The following EXOSC1 variants were observed in gnomAD, a reference collection of about 807,000 sequenced individuals.
The protein encoded by EXOSC1 is exosome component 1, also known as exosome complex component CSL4.
A neutral mutation model predicts 31.4 loss-of-function variants in EXOSC1; 27 were observed. That is an observed-to-expected ratio of 0.86 (90% CI 0.63 to 1.18). The LOEUF is 1.18. Among genes scored for constraint, EXOSC1 ranks in the 50% most tolerant of loss-of-function variants. The pLI is 0.00. For synonymous variants in EXOSC1, 84 were observed against 89.5 expected (o/e 0.94, Z 0.35); for missense variants, 228 against 250.3 (o/e 0.91, Z 0.60).
At chr10:97,445,630 T>G (rs909254915) in intron 2 of EXOSC1, 102 bp downstream of exon 2, 92 of 1,016,174 alleles carry the variant, frequency 9.1e-5, no homozygotes, top group Non-Finnish European at 1.3e-4. Context: ...ATTGTACCAC[T>G]GAGGCACTAA....
chr10:97,445,931 T>C, intron 1 of EXOSC1, 24 bp downstream of exon 1: 1 of 1,614,088 alleles, frequency 6.2e-7, no homozygotes, highest in Non-Finnish European at 8.5e-7. Context: ...TATCCAGGAC[T>C]CTGTACGGGA....
chr10:97,436,410 A>G lies in EXOSC1; in HGVS notation c.*35T>C. The G allele has an allele frequency of 6.8e-7, 1 of 1,479,154 alleles. No homozygotes were observed. Among genetic ancestry groups the G allele is most frequent in the Non-Finnish European group, 9.4e-7 (1 of 1,059,076 alleles). The allele number at this position is 1,479,154 out of a possible 1,614,324, so 91.6% of individuals were successfully genotyped here. A position where few individuals can be genotyped will look rare whatever the true frequency, so the allele number is the denominator to read the frequency against. On this transcript the variant is annotated 3_prime_UTR_variant, in exon 8 of 8. Transcript: ENST00000370902. ...GCATCTTGGTGTTATACTCAGGAAC[A>G]GCTTACCCCCTTCCATAGGGTAAAA...
chr10:97,443,180 G>T (rs1845770303), intron 3 of EXOSC1, 57 bp downstream of exon 3: 1 of 1,425,538 alleles, frequency 7.0e-7, no homozygotes. Flanking sequence ...GTTCTGGTAT[G>T]GTCATGATTT....
intron 5 of EXOSC1, 58 bp from the exon 6 acceptor site, chr10:97,437,808 T>C: frequency 7.1e-7 from 1 of 1,405,264 alleles, no homozygotes; most frequent in Non-Finnish European, 1.0e-6. Context: ...TATATGAAAC[T>C]GTGAACGCTT....
rs1280062005 is a variant in EXOSC1 at position 97,438,778 on chromosome 10, A to G, written c.312-75T>C. On this transcript the variant is annotated intron_variant, in intron 4 of 7. Coordinates refer to ENST00000370902, the MANE Select transcript of EXOSC1 (RefSeq NM_016046.5). ...TTTTTTTTTTTTTTTTTTGAGACAG[A>G]GTCTCCCTCTGTCACCCAGGCTGGA... 6.2e-6 allele frequency: 7 copies of G among 1,135,628 alleles called. No homozygotes were observed. In the African/African-American group the frequency reaches 8.6e-5, roughly 14 times the overall value. 70.3% of individuals were successfully genotyped at this position (1,135,628 alleles called of 1,614,324 possible).
intron 3 of EXOSC1, among the ~76,000 whole-genome samples, chr10:97,442,669 T>G (rs1845754564): frequency 6.6e-6 from 1 of 152,090 alleles, no homozygotes; most frequent in Non-Finnish European, 1.5e-5. Context: ...CTACCATGCC[T>G]GGCTAATTTT....
intron 5 of EXOSC1, 27 bp downstream of exon 5, chr10:97,438,643 A>G: frequency 6.2e-7 from 1 of 1,605,990 alleles, no homozygotes; most frequent in Middle Eastern, 1.7e-4. Flanking sequence ...ACGTAAAGCC[A>G]TTAAAAAAAA....
chr10:97,437,778 T>A (rs1845589738), intron 5 of EXOSC1, 28 bp from the exon 6 acceptor site: 4 of 1,601,480 alleles, frequency 2.5e-6, no homozygotes, highest in Middle Eastern at 3.3e-4. Context: ...GAATGTTAAG[T>A]GAAAGCTCTA....
chr10:97,442,306 T>C (rs1238678411), intron 3 of EXOSC1, among the ~76,000 whole-genome samples: 1 of 152,066 alleles, frequency 6.6e-6, no homozygotes, highest in Non-Finnish European at 1.5e-5. Flanking sequence ...CAGACACAGG[T>C]AGAACTATGT....
chr10:97,436,644 G>A (rs1845546995), intron 7 of EXOSC1, 93 bp from the exon 8 acceptor site: 1 of 1,169,740 alleles, frequency 8.5e-7, no homozygotes, highest in Middle Eastern at 2.6e-4. Flanking sequence ...GTGCCACCAA[G>A]CTTCCTACTG....
At chr10:97,438,022 C>G (rs1030054087) in intron 5 of EXOSC1, among the ~76,000 whole-genome samples, 2 of 151,810 alleles carry the variant, frequency 1.3e-5, no homozygotes, top group African/African-American at 4.8e-5. Flanking sequence ...CGGGTTCAAG[C>G]GATTCTCCTG....
At chr10:97,439,727 T>C (rs150654192) in intron 4 of EXOSC1, among the ~76,000 whole-genome samples, 2 of 152,220 alleles carry the variant, frequency 1.3e-5, no homozygotes, top group African/African-American at 4.8e-5. Context: ...GTGGAAAAAC[T>C]GTCTTCCAAG....
intron 3 of EXOSC1, among the ~76,000 whole-genome samples, chr10:97,442,318 T>C (rs1435880415): frequency 1.3e-5 from 2 of 152,188 alleles, no homozygotes; most frequent in African/African-American, 4.8e-5. Context: ...GAACTATGTA[T>C]TCAGGGAATC....
intron 3 of EXOSC1, among the ~76,000 whole-genome samples, chr10:97,442,995 T>C (rs1015857938): frequency 2.0e-5 from 3 of 152,086 alleles, no homozygotes; most frequent in Admixed American, 6.6e-5. Flanking sequence ...CCGGCAATTT[T>C]TGATTCTTTT....
At chr10:97,438,047 G>A (rs1015878056) in intron 5 of EXOSC1, among the ~76,000 whole-genome samples, 1 of 151,906 alleles carries the variant, frequency 6.6e-6, no homozygotes, top group African/African-American at 2.4e-5. Context: ...AGCCTCCTGA[G>A]TAGCTGGGAT....
In EXOSC1 at chr10:97,437,804, A is replaced by G. The variant is rs372178468; in HGVS notation, c.346-54T>C. On this transcript the variant is annotated intron_variant, in intron 5 of 7. Coordinates refer to ENST00000370902, the MANE Select transcript of EXOSC1 (RefSeq NM_016046.5). The stretch of plus-strand genomic sequence containing the variant: ...GAAAGCTCTAGACTGGGTCTATATG[A>G]AACTGTGAACGCTTCTGGTAAAGCC... The G allele has an allele frequency of 1.8e-5, 27 of 1,464,684 alleles. No homozygotes were observed. The East Asian group carries it at 4.1e-4, about 22-fold the overall frequency. The allele number at this position is 1,464,684 out of a possible 1,614,324, so 90.7% of individuals were successfully genotyped here. A position where few individuals can be genotyped will look rare whatever the true frequency, so the allele number is the denominator to read the frequency against.
At chr10:97,444,368 C>T (rs1380372525) in intron 2 of EXOSC1, 1 of 152,222 alleles carries the variant, frequency 6.6e-6, no homozygotes, top group Non-Finnish European at 1.5e-5. Context: ...CTAAATTCTT[C>T]CCACTTTCAG....
intron 2 of EXOSC1, 147 bp downstream of exon 2, chr10:97,445,585 G>C (rs760962952): frequency 2.2e-5 from 15 of 694,076 alleles, no homozygotes; most frequent in Non-Finnish European, 3.3e-5. Flanking sequence ...GTGCACCACA[G>C]CGGCGATACG....
chr10:97,441,178 T>C lies in EXOSC1; in HGVS notation c.304A>G (p.Thr102Ala). 5 of 1,613,812 alleles carry C rather than the reference T, an allele frequency of 3.1e-6. No homozygotes were observed. Among genetic ancestry groups the C allele is most frequent in the Non-Finnish European group, 4.2e-6 (5 of 1,179,728 alleles). Residue 102 changes from threonine to alanine, a missense_variant, in exon 4 of 8, where the codon ACT becomes GCT. Transcript: ENST00000370902. ...SMPLKNSFRG[T>A]IRKEDVRATE... ...GAAAAGGATACTTCTTACCGGATAG[T>C]TCCTCGAAAAGAGTTCTTAAGAGGC...
Sources: gnomAD v4.1 joint callset for allele counts (sites outside exome capture counted in the v4.1 genomes callset) on GRCh38, gnomAD v4.1.1 for gene constraint, MANE v1.5 for transcripts, NCBI Gene and HGNC (gene_info 2026-07-23, HGNC 2026-07-21) for gene names.